The following ETV6 variants were observed in gnomAD, a reference collection of about 807,000 sequenced individuals.
The protein encoded by ETV6 is ETS variant transcription factor 6, also known as transcription factor ETV6.
Under a neutral mutation model 51.1 loss-of-function variants are expected in ETV6, and 16 were observed. That is an observed-to-expected ratio of 0.31 (90% CI 0.21 to 0.48). The LOEUF (loss-of-function observed/expected upper bound fraction) is 0.48. Among genes scored for constraint, ETV6 ranks in the 20% least tolerant of loss-of-function variants. The probability of loss-of-function intolerance (pLI) is 0.99; values close to 1 mark genes in which losing one functional copy is unlikely to be tolerated. For synonymous variants in ETV6, 240 were observed against 224.1 expected, an observed-to-expected ratio of 1.07 and a Z score of -0.64; for missense variants, 458 against 594.8, an observed-to-expected ratio of 0.77 and a Z score of 2.39.
At chr12:11,678,799 C>T (rs753598123) in intron 1 of ETV6, among the ~76,000 whole-genome samples, 9 of 152,134 alleles carry the variant, frequency 5.9e-5, no homozygotes, top group Non-Finnish European at 1.0e-4. Flanking sequence ...ATAAATATAT[C>T]CCAGTTTGGG....
intron 2 of ETV6, among the ~76,000 whole-genome samples, chr12:11,826,924 C>T (rs1003418358): frequency 6.6e-6 from 1 of 152,030 alleles, no homozygotes; most frequent in Non-Finnish European, 1.5e-5. Flanking sequence ...CTTTACAACT[C>T]TAATACTAGG....
chr12:11,721,793 A>G (rs1565498722), intron 1 of ETV6, among the ~76,000 whole-genome samples: 2 of 152,220 alleles, frequency 1.3e-5, no homozygotes, highest in Non-Finnish European at 2.9e-5. Flanking sequence ...CTGGCATATA[A>G]TAGATGCCTA....
intron 2 of ETV6, among the ~76,000 whole-genome samples, chr12:11,824,562 T>G (rs1946126429): frequency 6.6e-6 from 1 of 152,158 alleles, no homozygotes; most frequent in Non-Finnish European, 1.5e-5. Flanking sequence ...GTGGATCACC[T>G]GAGGTCAGGA....
intron 1 of ETV6, among the ~76,000 whole-genome samples, chr12:11,683,509 T>A (rs1429074191): frequency 6.6e-6 from 1 of 152,250 alleles, no homozygotes; most frequent in Non-Finnish European, 1.5e-5. Flanking sequence ...TAAATAAATT[T>A]GCTCATCCTT....
intron 1 of ETV6, among the ~76,000 whole-genome samples, chr12:11,719,174 G>C (rs1007412463): frequency 1.3e-5 from 2 of 152,226 alleles, no homozygotes; most frequent in African/African-American, 2.4e-5. Context: ...GCACCACGGG[G>C]AGCCGTATAC....
intron 1 of ETV6, among the ~76,000 whole-genome samples, chr12:11,673,185 G>A (rs927513379): frequency 1.3e-5 from 2 of 152,234 alleles, no homozygotes; most frequent in Admixed American, 1.3e-4. Context: ...GTGTGTGAAT[G>A]AGGGTGTTGA....
At chr12:11,780,573 AGT>A (rs1033528178) in intron 2 of ETV6, among the ~76,000 whole-genome samples, 8 of 152,210 alleles carry the variant, frequency 5.3e-5, no homozygotes, top group African/African-American at 1.2e-4. Context: ...CCATAAGGAC[AGT>A]TTTATTAGGA....
chr12:11,877,009 C>A (rs61921362), intron 5 of ETV6, among the ~76,000 whole-genome samples: 1 of 152,178 alleles, frequency 6.6e-6, no homozygotes, highest in Non-Finnish European at 1.5e-5. Flanking sequence ...TTCTAATCAG[C>A]GAGACATCAA....
At position 11,796,753 on chromosome 12, in the gene ETV6, A is replaced by G. The variant is rs931204328; in HGVS notation, c.164-42387A>G. On this transcript the variant is annotated intron_variant, in intron 2 of 7. Coordinates refer to ENST00000396373, the MANE Select transcript of ETV6 (RefSeq NM_001987.5). ...AGACATTGAATAGCACTAAGGGATA[A>G]TTTCTTCCTTTTCTTTTTTTTTTTT... Among the ~76,000 whole-genome samples the G allele has an allele frequency of 2.1e-5, 3 of 140,176 alleles. No homozygotes were observed. In the East Asian group the frequency reaches 6.2e-4, roughly 29 times the overall value. The allele number at this position is 140,176 out of a possible 152,430, so 92.0% of individuals were successfully genotyped here. A position where few individuals can be genotyped will look rare whatever the true frequency, so the allele number is the denominator to read the frequency against.
intron 1 of ETV6, among the ~76,000 whole-genome samples, chr12:11,717,703 C>T (rs915615066): frequency 2.6e-5 from 4 of 152,210 alleles, no homozygotes; most frequent in African/African-American, 9.7e-5. Flanking sequence ...AGAATGCTTT[C>T]CCAAGGCAAT....
intron 1 of ETV6, among the ~76,000 whole-genome samples, chr12:11,715,249 G>A (rs533943800): frequency 8.3e-4 from 127 of 152,202 alleles, no homozygotes; most frequent in African/African-American, 2.8e-3. Flanking sequence ...TTGAGCATTC[G>A]TCTTTTCTTA....
At position 11,847,533 on chromosome 12, in the gene ETV6, G is replaced by A. The variant is rs534421257; in HGVS notation, c.329-5894G>A. 6.6e-5 allele frequency among the ~76,000 whole-genome samples: 10 copies of A among 152,274 alleles called. 1 individual carries two copies. The South Asian group carries it at 1.2e-3, about 19-fold the overall frequency. On this transcript the variant is annotated intron_variant, in intron 3 of 7. Transcript: ENST00000396373. ...AAGGAGGAAGAGCAGAGAAGTAGGC[G>A]GAAAACCAGGATAAGTGGAAATCTC...
chr12:11,743,461 G>A (rs1279717397), intron 1 of ETV6, among the ~76,000 whole-genome samples: 1 of 152,142 alleles, frequency 6.6e-6, no homozygotes, highest in Non-Finnish European at 1.5e-5. Flanking sequence ...CCTTACAGAT[G>A]GGGGTGAGGG....
intron 2 of ETV6, among the ~76,000 whole-genome samples, chr12:11,803,960 G>C (rs1355832618): frequency 6.6e-6 from 1 of 152,138 alleles, no homozygotes; most frequent in Non-Finnish European, 1.5e-5. Flanking sequence ...CATCAAAGTT[G>C]TATTAAAATA....
intron 1 of ETV6, among the ~76,000 whole-genome samples, chr12:11,653,081 G>C (rs1207551581): frequency 6.6e-6 from 1 of 151,926 alleles, no homozygotes; most frequent in Non-Finnish European, 1.5e-5. Context: ...GAAGGTTGTG[G>C]CACTGTTGTC....
intron 1 of ETV6, among the ~76,000 whole-genome samples, chr12:11,662,809 C>G (rs1864124769): frequency 6.6e-6 from 1 of 152,192 alleles, no homozygotes; most frequent in Admixed American, 6.5e-5. Flanking sequence ...CTTCGCAGCC[C>G]TGGTCCCCAA....
intron 1 of ETV6, among the ~76,000 whole-genome samples, chr12:11,747,178 T>C (rs565925435): frequency 2.6e-5 from 4 of 152,292 alleles, no homozygotes; most frequent in African/African-American, 7.2e-5. Context: ...TTCCTACCCA[T>C]CCTCATTTTC....
chr12:11,699,037 C>G (rs892611751), intron 1 of ETV6, among the ~76,000 whole-genome samples: 2 of 152,194 alleles, frequency 1.3e-5, no homozygotes, highest in African/African-American at 4.8e-5. Flanking sequence ...CATTAGAGCA[C>G]GATGCTGCCA....
intron 2 of ETV6, among the ~76,000 whole-genome samples, chr12:11,818,824 A>AT (rs1443136790): frequency 6.6e-6 from 1 of 151,460 alleles, no homozygotes; most frequent in African/African-American, 2.4e-5. Context: ...CTATAGTCTC[A>AT]CCCCTCCTCT....
Sources: allele counts gnomAD v4.1 joint callset (sites outside exome capture counted in the v4.1 genomes callset), GRCh38; gene constraint gnomAD v4.1.1; transcripts MANE v1.5; gene names NCBI Gene and HGNC (gene_info 2026-07-23, HGNC 2026-07-21).